TRAPPC9: variants seen among roughly 807,000 people sequenced by gnomAD.
TRAPPC9 encodes the protein trafficking protein particle complex subunit 9.
A neutral mutation model predicts 124.0 loss-of-function variants in TRAPPC9; 83 were observed. The observed-to-expected ratio is 0.67, with a 90% CI of 0.56 to 0.80. The LOEUF is 0.80. Among genes scored for constraint, TRAPPC9 ranks in the 30% least tolerant of loss-of-function variants. The pLI, the probability that TRAPPC9 is intolerant of heterozygous loss-of-function variation, is 0.00. For missense variants in TRAPPC9, 1,302 were observed against 1,508.3 expected, an observed-to-expected ratio of 0.86 and a Z score of 2.27; for synonymous variants, 638 against 617.5, an observed-to-expected ratio of 1.03 and a Z score of -0.49.
intron 21 of TRAPPC9, among the ~76,000 whole-genome samples, chr8:139,877,271 T>C (rs542349319): frequency 6.6e-6 from 1 of 152,342 alleles, no homozygotes; most frequent in Admixed American, 6.5e-5. Flanking sequence ...CAAATCCGCA[T>C]GGCAAATGCC....
intron 21 of TRAPPC9, among the ~76,000 whole-genome samples, chr8:139,850,882 A>C (rs1827397059): frequency 6.6e-6 from 1 of 152,192 alleles, no homozygotes; most frequent in South Asian, 2.1e-4. Context: ...CCTACCACAC[A>C]CCAAGAAGCA....
rs1831628744 is a variant in TRAPPC9, at chr8:139,910,201, C to T, written c.2910G>A (p.Arg970=). The part of the protein sequence containing the change: ...FANPKQLEEE[R]REARGLEIHS... ...GGATCTCCAGGCCTCGGGCTTCCCG[C>T]CGCTCTTCCTCCAGCTGCTTGGGGT... Residue 970 remains arginine (R), a synonymous_variant, in exon 20 of 23, where the codon CGG becomes CGA. Transcript: ENST00000438773. 2 of 1,613,918 alleles carry T rather than the reference C, an allele frequency of 1.2e-6. No homozygotes were observed. Among genetic ancestry groups the T allele is most frequent in the East Asian group, 4.5e-5 (2 of 44,848 alleles).
chr8:139,991,144 A>T (rs1243661158), intron 18 of TRAPPC9, among the ~76,000 whole-genome samples: 1 of 152,230 alleles, frequency 6.6e-6, no homozygotes, highest in African/African-American at 2.4e-5. Context: ...TCACAGCAAA[A>T]TCTTTCATCA....
chr8:139,952,869 C>CA (rs1442894323), intron 19 of TRAPPC9, among the ~76,000 whole-genome samples: 1 of 152,210 alleles, frequency 6.6e-6, no homozygotes, highest in East Asian at 1.9e-4. Context: ...CAAACCAGCA[C>CA]ATTCTATTAT....
At chr8:140,339,767 G>A (rs2067143342) in intron 9 of TRAPPC9, among the ~76,000 whole-genome samples, 1 of 152,134 alleles carries the variant, frequency 6.6e-6, no homozygotes, top group Non-Finnish European at 1.5e-5. Context: ...ATTCTCACAT[G>A]GTCCTGATAC....
chr8:140,004,680 A>G (rs1181009482), intron 18 of TRAPPC9, among the ~76,000 whole-genome samples: 1 of 152,198 alleles, frequency 6.6e-6, no homozygotes, highest in East Asian at 1.9e-4. Context: ...AAAACCTACC[A>G]GCCAATGACT....
chr8:140,321,505 A>G (rs1483937101), intron 9 of TRAPPC9, among the ~76,000 whole-genome samples: 3 of 152,194 alleles, frequency 2.0e-5, no homozygotes, highest in Non-Finnish European at 4.4e-5. Flanking sequence ...AATCCATCAG[A>G]GAGCTGAGGA....
intron 21 of TRAPPC9, among the ~76,000 whole-genome samples, chr8:139,752,288 C>T (rs1019403280): frequency 6.6e-6 from 1 of 151,082 alleles, no homozygotes; most frequent in African/African-American, 2.4e-5. Context: ...ACCCATCCAT[C>T]AACCCATCTA....
In TRAPPC9 at chr8:139,766,304, G is replaced by A. The variant is rs139836739; in HGVS notation, c.3056-34102C>T. 1.8e-3 allele frequency among the ~76,000 whole-genome samples: 281 copies of A among 152,234 alleles called. 1 individual carries two copies. Among genetic ancestry groups the A allele is most frequent in the South Asian group, 3.3e-3 (16 of 4,824 alleles). ...CAGGCCAGGGAGTGTCTCTGCTCCCGTACTGGGGTCTGGCCATCCACAGTT... is the reference window on the plus strand; with the variant it reads ...CAGGCCAGGGAGTGTCTCTGCTCCCATACTGGGGTCTGGCCATCCACAGTT... On this transcript the variant is annotated intron_variant, in intron 21 of 22. Transcript: ENST00000438773.
Position 140,349,612 on chromosome 8 carries a change from G to A in TRAPPC9, c.1495+10438C>T, listed in dbSNP as rs148363537. Among the ~76,000 whole-genome samples, 282 of 152,278 alleles carry A rather than the reference G, an allele frequency of 1.9e-3. 1 individual carries two copies. Among genetic ancestry groups the A allele is most frequent in the Middle Eastern group, 6.8e-3 (2 of 294 alleles). On this transcript the variant is annotated intron_variant, in intron 9 of 22. Transcript: ENST00000438773. ...ACACAGGGAAGCCAGTGGGGTGGGAGAGAGGGAGGCGGCAGGAGGGAGCGG... is the reference window on the plus strand; with the variant it reads ...ACACAGGGAAGCCAGTGGGGTGGGAAAGAGGGAGGCGGCAGGAGGGAGCGG...
Position 140,047,888 on chromosome 8 carries a change from C to T in TRAPPC9, c.2557-23809G>A, listed in dbSNP as rs535881694. Among the ~76,000 whole-genome samples, 304 of 152,310 alleles carry T rather than the reference C, an allele frequency of 2.0e-3. 2 individuals are homozygous for T. Among genetic ancestry groups the T allele is most frequent in the Non-Finnish European group, 3.3e-3 (225 of 68,032 alleles). On this transcript the variant is annotated intron_variant, in intron 17 of 22. Transcript: ENST00000438773. Reference sequence around the variant, plus strand: ...CAGAGGTCGGGGCAGAAGTGGAGGGCGAGGTCAGGAGACAAAGGGCCACCA... The same window carrying T: ...CAGAGGTCGGGGCAGAAGTGGAGGGTGAGGTCAGGAGACAAAGGGCCACCA...
At chr8:140,056,671 A>T (rs1842304838) in intron 17 of TRAPPC9, among the ~76,000 whole-genome samples, 1 of 152,166 alleles carries the variant, frequency 6.6e-6, no homozygotes, top group South Asian at 2.1e-4. Flanking sequence ...CTCAAAATGA[A>T]TTAAAGATTT....
intron 19 of TRAPPC9, among the ~76,000 whole-genome samples, chr8:139,983,466 A>G (rs1286164431): frequency 6.7e-6 from 1 of 149,608 alleles, no homozygotes; most frequent in Non-Finnish European, 1.5e-5. Flanking sequence ...TTCTCCTCAC[A>G]CTGTATAACA....
chr8:140,439,838 T>C (rs1206579215), intron 2 of TRAPPC9, among the ~76,000 whole-genome samples: 1 of 150,684 alleles, frequency 6.6e-6, no homozygotes, highest in Non-Finnish European at 1.5e-5. Flanking sequence ...AACCTTTAAA[T>C]GTTATATTTC....
chr8:139,834,788 T>C (rs1826223390), intron 21 of TRAPPC9, among the ~76,000 whole-genome samples: 1 of 152,188 alleles, frequency 6.6e-6, no homozygotes, highest in African/African-American at 2.4e-5. Flanking sequence ...ACCCGAGAGA[T>C]ACAGGCACTG....
At chr8:140,273,660 C>T (rs114682760) in intron 15 of TRAPPC9, among the ~76,000 whole-genome samples, 1,867 of 152,274 alleles carry the variant, frequency 0.012, 27 homozygotes, top group African/African-American at 0.042. Context: ...TCTGCCCAGG[C>T]CCCTCTGCCT....
intron 17 of TRAPPC9, among the ~76,000 whole-genome samples, chr8:140,150,223 A>G (rs1414374014): frequency 6.6e-6 from 1 of 152,198 alleles, no homozygotes; most frequent in Non-Finnish European, 1.5e-5. Context: ...TGAGGCAGGC[A>G]GATTACCTGA....
intron 17 of TRAPPC9, among the ~76,000 whole-genome samples, chr8:140,166,206 A>G (rs1472375664): frequency 6.6e-6 from 1 of 152,180 alleles, no homozygotes; most frequent in Non-Finnish European, 1.5e-5. Context: ...ATCAGGTCCC[A>G]TGGTTCCCTT....
intron 17 of TRAPPC9, among the ~76,000 whole-genome samples, chr8:140,033,134 A>G (rs1050931302): frequency 1.3e-5 from 2 of 152,168 alleles, no homozygotes; most frequent in African/African-American, 2.4e-5. Flanking sequence ...CTTGTACGAA[A>G]TCATGTCTGC....
Sources: allele counts gnomAD v4.1 joint callset (sites outside exome capture counted in the v4.1 genomes callset), GRCh38; gene constraint gnomAD v4.1.1; transcripts MANE v1.5; gene names NCBI Gene and HGNC (gene_info 2026-07-23, HGNC 2026-07-21).